Variants in NALF1 observed in about 807,000 individuals in gnomAD.
NALF1 encodes the protein NALCN channel auxiliary factor 1, also known as family with sequence similarity 155 member A.
In NALF1, 3 loss-of-function variants were observed where a neutral mutation model predicts 48.4. The ratio of observed to expected loss-of-function variants is 0.06; its 90% CI spans 0.03 to 0.16. NALF1 has a LOEUF of 0.16. Ranked by LOEUF, NALF1 falls within the 10% of genes least tolerant of loss-of-function variation. The pLI, the probability that NALF1 is intolerant of heterozygous loss-of-function variation, is 1.00. For missense variants in NALF1, 526 were observed against 571.5 expected, an observed-to-expected ratio of 0.92 and a Z score of 0.81; for synonymous variants, 262 against 245.7, an observed-to-expected ratio of 1.07 and a Z score of -0.62.
chr13:107,762,187 G>A (rs577287043), intron 1 of NALF1, among the ~76,000 whole-genome samples: 162 of 151,590 alleles, frequency 1.1e-3, no homozygotes, highest in African/African-American at 3.8e-3. Context: ...AAGACTGGGC[G>A]TCCTTTATAT....
At chr13:107,667,170 T>C (rs1880880738) in intron 1 of NALF1, among the ~76,000 whole-genome samples, 2 of 152,184 alleles carry the variant, frequency 1.3e-5, no homozygotes, top group Middle Eastern at 3.4e-3. Context: ...AATAAACAGA[T>C]ACCCAACAAT....
intron 1 of NALF1, among the ~76,000 whole-genome samples, chr13:107,751,669 G>A (rs962599729): frequency 2.6e-5 from 4 of 152,010 alleles, no homozygotes; most frequent in Non-Finnish European, 5.9e-5. Context: ...AGATACTACT[G>A]TAAAATAATG....
intron 1 of NALF1, among the ~76,000 whole-genome samples, chr13:107,301,186 A>G (rs1326238366): frequency 6.6e-6 from 1 of 152,186 alleles, no homozygotes; most frequent in African/African-American, 2.4e-5. Context: ...TCCTCAGTTT[A>G]CTTTTGTGGT....
Position 107,641,660 on chromosome 13 carries a change from T to C in NALF1, c.915+224022A>G, listed in dbSNP as rs1010865095. 6.6e-5 allele frequency among the ~76,000 whole-genome samples: 10 copies of C among 152,268 alleles called. No homozygotes were observed. The East Asian group carries it at 1.9e-3, about 29-fold the overall frequency. On this transcript the variant is annotated intron_variant, in intron 1 of 2. Coordinates refer to ENST00000375915, the MANE Select transcript of NALF1 (RefSeq NM_001080396.3). ...GGCTTAGTTACCACCATAGGCAAGA[T>C]ATTACTATTGTAAGGCCTTGAATTG...
intron 1 of NALF1, among the ~76,000 whole-genome samples, chr13:107,618,103 G>T (rs1879428659): frequency 6.6e-6 from 1 of 152,014 alleles, no homozygotes; most frequent in African/African-American, 2.4e-5. Context: ...GTGCTGTGGA[G>T]CATATAAACA....
chr13:107,455,977 T>C (rs1248479649), intron 1 of NALF1, among the ~76,000 whole-genome samples: 2 of 152,188 alleles, frequency 1.3e-5, no homozygotes, highest in Non-Finnish European at 2.9e-5. Flanking sequence ...AAAGTTGCTA[T>C]AAACATTTGT....
intron 1 of NALF1, among the ~76,000 whole-genome samples, chr13:107,673,707 C>T (rs904046917): frequency 6.6e-6 from 1 of 152,038 alleles, no homozygotes; most frequent in African/African-American, 2.4e-5. Flanking sequence ...AGAAATGATA[C>T]ATGTGAGATG....
chr13:107,597,616 A>G (rs1437004093), intron 1 of NALF1, among the ~76,000 whole-genome samples: 4 of 152,174 alleles, frequency 2.6e-5, no homozygotes, highest in Non-Finnish European at 4.4e-5. Flanking sequence ...GCTTCCTTCT[A>G]GCAAAATAAT....
intron 2 of NALF1, among the ~76,000 whole-genome samples, chr13:107,198,684 A>AG (rs1308087007): frequency 1.3e-5 from 2 of 152,144 alleles, no homozygotes; most frequent in Non-Finnish European, 2.9e-5. Flanking sequence ...CCCACATACT[A>AG]GGGGGCTTAA....
intron 1 of NALF1, among the ~76,000 whole-genome samples, chr13:107,637,240 G>T (rs530840237): frequency 7.4e-6 from 1 of 135,414 alleles, no homozygotes; most frequent in African/African-American, 2.5e-5. Flanking sequence ...TATTGTATTT[G>T]TTGTGTGTGT....
intron 1 of NALF1, among the ~76,000 whole-genome samples, chr13:107,344,327 T>A (rs529757409): frequency 6.6e-6 from 1 of 152,202 alleles, no homozygotes; most frequent in African/African-American, 2.4e-5. Context: ...CACTTCCAAA[T>A]CCATTTTATG....
At chr13:107,418,257 T>A (rs940592606) in intron 1 of NALF1, among the ~76,000 whole-genome samples, 1 of 152,032 alleles carries the variant, frequency 6.6e-6, no homozygotes, top group African/African-American at 2.4e-5. Flanking sequence ...GCAATTCCTG[T>A]CTCCAGCATC....
chr13:107,532,415 C>T (rs901469069), intron 1 of NALF1, among the ~76,000 whole-genome samples: 3 of 151,958 alleles, frequency 2.0e-5, no homozygotes, highest in African/African-American at 4.8e-5. Flanking sequence ...TCATTCATTG[C>T]TAGTGTTTTC....
intron 1 of NALF1, among the ~76,000 whole-genome samples, chr13:107,441,074 A>G (rs548024230): frequency 3.9e-4 from 60 of 152,314 alleles, no homozygotes; most frequent in African/African-American, 1.3e-3. Flanking sequence ...TCAAGTATCC[A>G]CTTTTGTATA....
At chr13:107,454,969 TC>T (rs556572527) in intron 1 of NALF1, among the ~76,000 whole-genome samples, 99 of 152,308 alleles carry the variant, frequency 6.5e-4, no homozygotes, top group Non-Finnish European at 1.2e-3. Context: ...CGACTTTGTG[TC>T]CCACCCACAT....
chr13:107,234,601 C>A (rs940296314), intron 1 of NALF1, among the ~76,000 whole-genome samples: 1 of 152,060 alleles, frequency 6.6e-6, no homozygotes, highest in Non-Finnish European at 1.5e-5. Flanking sequence ...GAAGAACCTC[C>A]GAGATCATCT....
At chr13:107,426,471 C>T (rs1030101719) in intron 1 of NALF1, among the ~76,000 whole-genome samples, 8 of 152,130 alleles carry the variant, frequency 5.3e-5, no homozygotes, top group African/African-American at 1.7e-4. Flanking sequence ...TGTTAGAGGC[C>T]GTGAGATTTT....
At chr13:107,200,363 G>C (rs74113915) in intron 2 of NALF1, among the ~76,000 whole-genome samples, 1 of 152,176 alleles carries the variant, frequency 6.6e-6, no homozygotes, top group Non-Finnish European at 1.5e-5. Flanking sequence ...GATGATGAAT[G>C]AGCTCGGGGG....
chr13:107,479,880 T>C (rs1323659014), intron 1 of NALF1, among the ~76,000 whole-genome samples: 1 of 152,134 alleles, frequency 6.6e-6, no homozygotes, highest in African/African-American at 2.4e-5. Flanking sequence ...GAAATGGCTT[T>C]TTTTTGAAAG....
Sources: allele counts gnomAD v4.1 joint callset (sites outside exome capture counted in the v4.1 genomes callset), GRCh38; gene constraint gnomAD v4.1.1; transcripts MANE v1.5; gene names NCBI Gene and HGNC (gene_info 2026-07-23, HGNC 2026-07-21).